MYO1F: variants seen among roughly 807,000 people sequenced by gnomAD.
The protein encoded by MYO1F is unconventional myosin-If.
In MYO1F, 60 loss-of-function variants were observed where a neutral mutation model predicts 146.6. That is an observed-to-expected ratio of 0.41 (90% CI 0.33 to 0.51). The LOEUF (loss-of-function observed/expected upper bound fraction) is 0.51, where lower values mean the gene tolerates loss of function less well. Among genes scored for constraint, MYO1F ranks in the 20% least tolerant of loss-of-function variants. The probability of loss-of-function intolerance (pLI) is 0.25; values close to 1 mark genes in which losing one functional copy is unlikely to be tolerated. For missense variants in MYO1F, 1,274 were observed against 1,534.3 expected (o/e 0.83, Z 2.83); for synonymous variants, 602 against 602.1 (o/e 1.00, Z 0.00).
chr19:8,561,392 TCCTTCCTTCCTTTCTCCTCTC>T (rs201662136), intron 1 of MYO1F, among the ~76,000 whole-genome samples: 12,349 of 103,878 alleles, frequency 0.12, 1,271 homozygotes, highest in East Asian at 0.5. Context: ...CCCCCTTCTT[TCCTTCCTTCCTTTCTCCTCTC>T]CCTCCCTTCC....
chr19:8,549,198 C>T (rs531853653), intron 10 of MYO1F, among the ~76,000 whole-genome samples: 7 of 152,040 alleles, frequency 4.6e-5, no homozygotes, highest in East Asian at 1.9e-4. Context: ...GTGATCTGCC[C>T]GCTTTGACCT....
intron 21 of MYO1F, among the ~76,000 whole-genome samples, chr19:8,529,415 C>G (rs752286942): frequency 6.6e-6 from 1 of 151,970 alleles, no homozygotes; most frequent in Non-Finnish European, 1.5e-5. Flanking sequence ...AGGTTCAGGG[C>G]TGTCTGGGGC....
chr19:8,538,604 T>TTTA (rs1972829541), intron 16 of MYO1F, among the ~76,000 whole-genome samples: 1 of 148,642 alleles, frequency 6.7e-6, no homozygotes, highest in African/African-American at 2.5e-5. Flanking sequence ...TTTTTTTTTT[T>TTTA]AAGAGACAGG....
chr19:8,542,849 C>T (rs1168858481), intron 14 of MYO1F, among the ~76,000 whole-genome samples: 6 of 151,636 alleles, frequency 4.0e-5, no homozygotes, highest in Non-Finnish European at 7.4e-5. Context: ...GTGATCCGCC[C>T]GCCTCAGCCT....
At chr19:8,541,811 G>A in intron 15 of MYO1F, 95 bp downstream of exon 15, 1 of 1,131,546 alleles carries the variant, frequency 8.8e-7, no homozygotes, top group Non-Finnish European at 1.3e-6. Context: ...TTTGTGGCGA[G>A]ATGGCAGTTC....
At chr19:8,551,034 C>T (rs1004852057) in intron 8 of MYO1F, among the ~76,000 whole-genome samples, 6 of 149,494 alleles carry the variant, frequency 4.0e-5, no homozygotes, top group African/African-American at 1.0e-4. Flanking sequence ...GCGTGAGCGT[C>T]GTGTCCGGAC....
At chr19:8,527,612 G>T in intron 21 of MYO1F, 129 bp from the exon 22 acceptor site, 2 of 1,133,230 alleles carry the variant, frequency 1.8e-6, no homozygotes, top group Non-Finnish European at 2.6e-6. Context: ...AGGTGAAGGT[G>T]TATGAGTCGT....
Position 8,553,920 on chromosome 19 carries a change from TCTCG to T in MYO1F, c.327-487_327-484del, listed in dbSNP as rs1555726934. Among the ~76,000 whole-genome samples the T allele has an allele frequency of 3.0e-3, 438 of 147,972 alleles. 8 individuals are homozygous for T. The highest frequency in any genetic ancestry group is 0.01 in the African/African-American group (423 of 40,870). On this transcript the variant is annotated intron_variant, in intron 4 of 27. Transcript: ENST00000644032. ...CTCTCTCTCTCTCTCTCTCTCTCTCTCTCGCTCTCTTTCTCTCTCTCTGCTCTCA... is the reference window on the plus strand; with the variant it reads ...CTCTCTCTCTCTCTCTCTCTCTCTCTCTCTCTTTCTCTCTCTCTGCTCTCA...
At chr19:8,547,983 T>TCC in intron 12 of MYO1F, 53 bp downstream of exon 12, 1 of 1,371,036 alleles carries the variant, frequency 7.3e-7, no homozygotes, top group Non-Finnish European at 1.0e-6. Flanking sequence ...TCATGGTCCT[T>TCC]CCACCCCACC....
intron 1 of MYO1F, among the ~76,000 whole-genome samples, chr19:8,566,621 C>T (rs146008493): frequency 0.14 from 20,489 of 149,280 alleles, 1,729 homozygotes; most frequent in Non-Finnish European, 0.2. Flanking sequence ...TCAAGCGATT[C>T]TCCTGCCTCA....
rs1281681920 is a variant in MYO1F, at chr19:8,564,019, G to T, written c.4-8223C>A. On this transcript the variant is annotated intron_variant, in intron 1 of 27. Coordinates refer to ENST00000644032, the MANE Select transcript of MYO1F (RefSeq NM_012335.4). ...ATTGATTCTTTTTGAAACTATGGGA[G>T]TTGAGTGTGTCCATTGTCTGAGGTT... 2.6e-5 allele frequency among the ~76,000 whole-genome samples: 4 copies of T among 152,322 alleles called. No individual in the cohort carries two copies. The East Asian group carries it at 7.7e-4, about 29-fold the overall frequency.
In MYO1F at chr19:8,550,161, T is replaced by C. The variant is rs1349617346; in HGVS notation, c.1100A>G (p.Glu367Gly). 1 of 1,613,784 alleles carries C rather than the reference T, an allele frequency of 6.2e-7. No individual in the cohort carries two copies. The highest frequency in any genetic ancestry group is 1.3e-5 in the African/African-American group (1 of 74,934). ...LYARLFDFLV[E>G]AINRAMQKPQ... Reference sequence around the variant, plus strand: ...CCTTCCAGCCCCAGCCCCACTCGCCTCCACGAGGAAGTCGAAGAGGCGGGC... The same window carrying C: ...CCTTCCAGCCCCAGCCCCACTCGCCCCCACGAGGAAGTCGAAGAGGCGGGC... Residue 367 changes from glutamate to glycine, a missense_variant and splice_region_variant, in exon 10 of 28, where the codon GAG becomes GGG. By Grantham distance (98) the Glu-to-Gly change is moderately conservative. Coordinates refer to ENST00000644032, the MANE Select transcript of MYO1F (RefSeq NM_012335.4).
chr19:8,574,585 CTCTCTCTCTCTCTT>C (rs2042180143), intron 1 of MYO1F, among the ~76,000 whole-genome samples: 1 of 91,648 alleles, frequency 1.1e-5, no homozygotes, highest in African/African-American at 4.8e-5. Flanking sequence ...CTTTCTCTCT[CTCTCTCTCTCTCTT>C]TCTTTCTTTC....
At position 8,548,041 on chromosome 19, in the gene MYO1F, C is replaced by T. The variant is rs755088166; in HGVS notation, c.1264G>A (p.Glu422Lys). Residue 422 changes from glutamate (E) to lysine (K), a missense_variant, in exon 12 of 28, where the codon GAG becomes AAG. Glu to Lys is a moderately conservative substitution (Grantham distance 56). Around this residue, in one of 2 missense-constraint regions of MYO1F, gnomAD observed 900 missense variants for 1,155.1 expected, o/e 0.78. Transcript: ENST00000644032. ...QIFIELTLKA[E>K]QEEYVQEGIR... ...CTGACTGCTTGGCCGCCCACCTGCT[C>T]GGCCTTCAGGGTAAGTTCGATAAAG... The T allele has an allele frequency of 8.1e-6, 13 of 1,612,354 alleles. No homozygotes were observed. Among genetic ancestry groups the T allele is most frequent in the South Asian group, 5.5e-5 (5 of 90,932 alleles).
In MYO1F at chr19:8,554,754, G is replaced by A. The variant is rs1487902317; in HGVS notation, c.142-11C>T. 1 of 1,613,050 alleles carries A rather than the reference G, an allele frequency of 6.2e-7. No individual in the cohort carries two copies. ...AGAGCCGATGTAGGTCTGAGGGATG[G>A]TTAAGGGTCGTGTGGTGTCCTGGTA... On this transcript the variant is annotated splice_polypyrimidine_tract_variant and intron_variant, in intron 2 of 27. Coordinates refer to ENST00000644032, the MANE Select transcript of MYO1F (RefSeq NM_012335.4).
chr19:8,574,613 CTTT>C (rs1568381468), intron 1 of MYO1F, among the ~76,000 whole-genome samples: 6,028 of 65,104 alleles, frequency 0.093, 255 homozygotes, highest in East Asian at 0.17. Flanking sequence ...TTCTTTCTTT[CTTT>C]CTTTCTTTCT....
intron 1 of MYO1F, among the ~76,000 whole-genome samples, chr19:8,569,743 A>G (rs2042074895): frequency 6.6e-6 from 1 of 152,118 alleles, no homozygotes; most frequent in South Asian, 2.1e-4. Context: ...TGGTGGCTGC[A>G]AGAGACATCA....
chr19:8,571,890 CCCAGCCCCTGTAT>C (rs1555732038), intron 1 of MYO1F, among the ~76,000 whole-genome samples: 1 of 151,962 alleles, frequency 6.6e-6, no homozygotes, highest in Non-Finnish European at 1.5e-5. Flanking sequence ...AGCCACCGCG[CCCAGCCCCTGTAT>C]TTTTAGAGAC....
At chr19:8,572,415 A>G (rs2042127524) in intron 1 of MYO1F, among the ~76,000 whole-genome samples, 1 of 151,964 alleles carries the variant, frequency 6.6e-6, no homozygotes, top group Admixed American at 6.6e-5. Context: ...TTACAGGCAC[A>G]TGCCACCCCG....
Sources: allele counts gnomAD v4.1 joint callset (sites outside exome capture counted in the v4.1 genomes callset), GRCh38; gene constraint gnomAD v4.1.1; regional missense constraint gnomAD v4.1.1; transcripts MANE v1.5; gene names NCBI Gene and HGNC (gene_info 2026-07-23, HGNC 2026-07-21).